The following ALDH1A2 variants were observed in gnomAD, a reference collection of about 807,000 sequenced individuals.
ALDH1A2 encodes the protein retinal dehydrogenase 2.
Under a neutral mutation model 60.3 loss-of-function variants are expected in ALDH1A2, and 27 were observed. The observed-to-expected ratio is 0.45, with a 90% confidence interval of 0.33 to 0.62. ALDH1A2 has a LOEUF of 0.62. Ranked by LOEUF, ALDH1A2 falls within the 20% of genes least tolerant of loss-of-function variation. The probability of loss-of-function intolerance (pLI) is 0.02; values close to 1 mark genes in which losing one functional copy is unlikely to be tolerated. For synonymous variants in ALDH1A2, 289 were observed against 232.4 expected (o/e 1.24, Z -2.21); for missense variants, 581 against 643.8 (o/e 0.90, Z 1.06).
chr15:58,022,678 A>C (rs374831129), intron 1 of ALDH1A2, among the ~76,000 whole-genome samples: 16 of 152,326 alleles, frequency 1.1e-4, no homozygotes, highest in Admixed American at 6.5e-4. Flanking sequence ...CCCAGTCCTC[A>C]GCACAACTTC....
chr15:57,990,225 A>C (rs1894847788), intron 7 of ALDH1A2: 1 of 152,250 alleles, frequency 6.6e-6, no homozygotes, highest in African/African-American at 2.4e-5. Flanking sequence ...TTGGTAAGCA[A>C]GTTGTAAATA....
intron 11 of ALDH1A2, 106 bp downstream of exon 11, chr15:57,961,031 T>G (rs775087472): frequency 6.1e-6 from 9 of 1,483,830 alleles, no homozygotes; most frequent in Middle Eastern, 1.7e-4. Flanking sequence ...CTGGTGAACT[T>G]TGGTTGCTTT....
chr15:58,055,672 A>G (rs912335927), intron 1 of ALDH1A2, among the ~76,000 whole-genome samples: 1 of 152,104 alleles, frequency 6.6e-6, no homozygotes, highest in African/African-American at 2.4e-5. Context: ...CACTTCCACA[A>G]TATTTTCTTT....
chr15:58,001,607 C>T (rs1895275206), intron 4 of ALDH1A2, among the ~76,000 whole-genome samples: 3 of 151,870 alleles, frequency 2.0e-5, no homozygotes, highest in African/African-American at 7.2e-5. Flanking sequence ...CTCTTCTCTG[C>T]CTAGAAAAAA....
chr15:57,977,380 T>C (rs1339221312), intron 7 of ALDH1A2, among the ~76,000 whole-genome samples: 3 of 152,218 alleles, frequency 2.0e-5, no homozygotes, highest in African/African-American at 7.2e-5. Flanking sequence ...TTTTAGTTCT[T>C]ACGTTTAAGT....
intron 7 of ALDH1A2, among the ~76,000 whole-genome samples, chr15:57,968,097 G>A (rs1893952739): frequency 6.6e-6 from 1 of 152,150 alleles, no homozygotes; most frequent in African/African-American, 2.4e-5. Flanking sequence ...ATGTCATTGT[G>A]CTTGCTCGCT....
At chr15:58,022,152 T>C (rs2140528351) in intron 1 of ALDH1A2, among the ~76,000 whole-genome samples, 1 of 152,184 alleles carries the variant, frequency 6.6e-6, no homozygotes, top group African/African-American at 2.4e-5. Flanking sequence ...GTGCCTCCTC[T>C]CACCACTGTG....
At chr15:58,046,117 C>T (rs182686604) in intron 1 of ALDH1A2, among the ~76,000 whole-genome samples, 143 of 152,064 alleles carry the variant, frequency 9.4e-4, no homozygotes, top group African/African-American at 3.4e-3. Flanking sequence ...AGGCTTTCTG[C>T]CAATAAGAAA....
intron 1 of ALDH1A2, among the ~76,000 whole-genome samples, chr15:58,045,690 A>C (rs2140562295): frequency 6.6e-6 from 1 of 152,220 alleles, no homozygotes; most frequent in African/African-American, 2.4e-5. Flanking sequence ...CAGGAACTGA[A>C]CAATGAGAAC....
chr15:58,058,852 C>T (rs528452306), intron 1 of ALDH1A2, among the ~76,000 whole-genome samples: 5 of 152,252 alleles, frequency 3.3e-5, no homozygotes, highest in African/African-American at 4.8e-5. Context: ...AAAGTTCACA[C>T]GCAGACATAC....
rs1380167752 is a variant in ALDH1A2 at position 58,003,213 on chromosome 15, G to C, written c.493+7436C>G. On this transcript the variant is annotated intron_variant, in intron 4 of 12. Coordinates refer to ENST00000249750, the MANE Select transcript of ALDH1A2 (RefSeq NM_003888.4). The stretch of plus-strand genomic sequence containing the variant: ...ACCTCTTAAAAAGGTTCCTTGTGAA[G>C]CTGACTTCATGACCTCCTGTCACAA... 1.3e-5 allele frequency among the ~76,000 whole-genome samples: 2 copies of C among 151,852 alleles called. 1 individual carries two copies. Among genetic ancestry groups the C allele is most frequent in the Non-Finnish European group, 2.9e-5 (2 of 67,878 alleles).
chr15:58,015,493 T>C (rs1375048818), intron 1 of ALDH1A2, among the ~76,000 whole-genome samples: 18 of 152,174 alleles, frequency 1.2e-4, no homozygotes, highest in African/African-American at 4.3e-4. Context: ...ACAAACAAAA[T>C]GACCTTGTAA....
rs79736139 is a variant in ALDH1A2, at chr15:57,997,511, G to A, written c.494-2372C>T. On this transcript the variant is annotated intron_variant, in intron 4 of 12. Transcript: ENST00000249750. ...TTGGAAGATGAACAGAAGAGTACAC[G>A]TGTTTATTTTAGCAGCACATGTAGG... Among the ~76,000 whole-genome samples the A allele has an allele frequency of 4.6e-3, 697 of 151,880 alleles. 8 individuals carry two copies. The highest frequency in any genetic ancestry group is 0.016 in the African/African-American group (671 of 41,448).
chr15:58,045,794 A>C (rs948360373), intron 1 of ALDH1A2, among the ~76,000 whole-genome samples: 2 of 152,046 alleles, frequency 1.3e-5, no homozygotes, highest in African/African-American at 4.8e-5. Flanking sequence ...ACAAAAATGC[A>C]TGTTCTGCAC....
At chr15:57,982,571 T>G (rs1308637985) in intron 7 of ALDH1A2, among the ~76,000 whole-genome samples, 3 of 152,212 alleles carry the variant, frequency 2.0e-5, no homozygotes, top group Admixed American at 6.5e-5. Context: ...ACATTAATGC[T>G]GTAAAAATCC....
intron 1 of ALDH1A2, among the ~76,000 whole-genome samples, chr15:58,050,409 C>T (rs894307521): frequency 6.6e-6 from 1 of 152,020 alleles, no homozygotes; most frequent in African/African-American, 2.4e-5. Context: ...TTCAGAAAAA[C>T]AGTAAATAAA....
chr15:57,962,717 G>C (rs1179444301), intron 9 of ALDH1A2, among the ~76,000 whole-genome samples: 1 of 151,874 alleles, frequency 6.6e-6, no homozygotes. Flanking sequence ...AAAAAAACAA[G>C]GTCAGTCTTC....
chr15:57,980,609 C>G (rs1894464007), intron 7 of ALDH1A2: 1 of 242,116 alleles, frequency 4.1e-6, no homozygotes, highest in South Asian at 7.5e-5. Context: ...GGCTGACAGC[C>G]CATACTAGAC....
intron 4 of ALDH1A2, among the ~76,000 whole-genome samples, chr15:58,001,772 A>G (rs1895281448): frequency 6.6e-6 from 1 of 151,888 alleles, no homozygotes; most frequent in African/African-American, 2.4e-5. Context: ...ACTCCATTGT[A>G]GGGTATGAAT....
Sources: allele counts gnomAD v4.1 joint callset (sites outside exome capture counted in the v4.1 genomes callset), GRCh38; gene constraint gnomAD v4.1.1; transcripts MANE v1.5; gene names NCBI Gene and HGNC (gene_info 2026-07-23, HGNC 2026-07-21).